KCNG2: variants seen among roughly 807,000 people sequenced by gnomAD.
The protein encoded by KCNG2 is voltage-gated potassium channel regulatory subunit KCNG2.
Under a neutral mutation model 12.3 loss-of-function variants are expected in KCNG2, and 7 were observed. That is an observed-to-expected ratio of 0.57 (90% CI 0.32 to 1.07). The LOEUF (loss-of-function observed/expected upper bound fraction) is 1.07. Ranked by LOEUF, KCNG2 falls within the 50% of genes least tolerant of loss-of-function variation. KCNG2 has a pLI of 0.04. For synonymous variants in KCNG2, 414 were observed against 351.4 expected, an observed-to-expected ratio of 1.18 and a Z score of -1.99; for missense variants, 703 against 726.0, an observed-to-expected ratio of 0.97 and a Z score of 0.36.
chr18:79,871,964 C>T (rs1028697466), intron 3 of KCNG2, among the ~76,000 whole-genome samples: 9 of 152,164 alleles, frequency 5.9e-5, no homozygotes, highest in African/African-American at 9.6e-5. Flanking sequence ...ACAATGCCAC[C>T]GGACCAAGCT....
Position 79,803,488 on chromosome 18 carries a change from AGAAACG to A in KCNG2, c.-115+5480_-115+5485del, listed in dbSNP as rs2087426500. On this transcript the variant is annotated intron_variant, in intron 1 of 3. Transcript: ENST00000316249. The surrounding 1 kb of genome is among the most constrained non-coding windows in gnomAD (Gnocchi z 4.5). ...TGGCTTCTTTAATACTTGCCAAATT[AGAAACG>A]GAAACATTCTAGGGTGAAGAAAACA... Among the ~76,000 whole-genome samples, 1 of 152,266 alleles carries A rather than the reference AGAAACG, an allele frequency of 6.6e-6. No individual in the cohort carries two copies. Among genetic ancestry groups the A allele is most frequent in the Non-Finnish European group, 1.5e-5 (1 of 68,052 alleles).
intron 2 of KCNG2, among the ~76,000 whole-genome samples, chr18:79,857,204 C>A (rs998791313): frequency 2.1e-5 from 3 of 144,610 alleles, no homozygotes; most frequent in East Asian, 2.1e-4. Flanking sequence ...ACTGAGTGAA[C>A]CTTGGGGCAC....
At chr18:79,851,258 A>G (rs1978806160) in intron 1 of KCNG2, among the ~76,000 whole-genome samples, 2 of 152,218 alleles carry the variant, frequency 1.3e-5, no homozygotes, top group African/African-American at 4.8e-5. Context: ...TTTTGCAAGA[A>G]TCAATATTAT....
intron 3 of KCNG2, among the ~76,000 whole-genome samples, chr18:79,891,227 CTTTA>C (rs1238247435): frequency 1.3e-5 from 2 of 151,640 alleles, no homozygotes; most frequent in South Asian, 2.1e-4. Context: ...CTTTTTCTTT[CTTTA>C]TTTTTTATTT....
intron 3 of KCNG2, among the ~76,000 whole-genome samples, chr18:79,891,228 T>C (rs543456190): frequency 6.6e-6 from 1 of 152,276 alleles, no homozygotes; most frequent in Admixed American, 6.5e-5. Context: ...TTTTTCTTTC[T>C]TTATTTTTTA....
intron 1 of KCNG2, among the ~76,000 whole-genome samples, chr18:79,853,740 G>C (rs776876937): frequency 3.3e-5 from 5 of 152,262 alleles, no homozygotes; most frequent in Non-Finnish European, 5.9e-5. Flanking sequence ...CGGAAGGCCT[G>C]AGTGGGACTA....
At chr18:79,832,287 C>G (rs371018830) in intron 1 of KCNG2, among the ~76,000 whole-genome samples, 10 of 150,912 alleles carry the variant, frequency 6.6e-5, no homozygotes, top group African/African-American at 2.4e-4. Flanking sequence ...CCTGCCCTCA[C>G]CTGCCCATCC....
chr18:79,832,273 TTCACCTGCCC>T (rs1454361143), intron 1 of KCNG2, among the ~76,000 whole-genome samples: 2 of 145,612 alleles, frequency 1.4e-5, no homozygotes, highest in Admixed American at 6.7e-5. Context: ...CCTGCCCTTC[TTCACCTGCCC>T]TCACCTGCCC....
intron 1 of KCNG2, among the ~76,000 whole-genome samples, chr18:79,832,751 C>T (rs1978303187): frequency 6.6e-6 from 1 of 152,360 alleles, no homozygotes; most frequent in African/African-American, 2.4e-5. Context: ...GCCTGTATGG[C>T]AAGACTCCTC....
intron 1 of KCNG2, among the ~76,000 whole-genome samples, chr18:79,848,746 G>A (rs1259569720): frequency 6.6e-6 from 1 of 152,154 alleles, no homozygotes; most frequent in Non-Finnish European, 1.5e-5. Context: ...TTTCGCTGAA[G>A]AAGCATCCTG....
chr18:79,875,690 G>A (rs936021853), intron 3 of KCNG2, among the ~76,000 whole-genome samples: 4 of 152,316 alleles, frequency 2.6e-5, no homozygotes, highest in Admixed American at 6.5e-5. Flanking sequence ...TCGGGGAGGT[G>A]CAAGTCTGGC....
intron 1 of KCNG2, among the ~76,000 whole-genome samples, chr18:79,840,609 A>C (rs1978429827): frequency 6.6e-6 from 1 of 152,228 alleles, no homozygotes; most frequent in African/African-American, 2.4e-5. Flanking sequence ...TTTATATAGA[A>C]AGTCAAGGGA....
chr18:79,848,172 A>T (rs1453173201), intron 1 of KCNG2, among the ~76,000 whole-genome samples: 4 of 152,174 alleles, frequency 2.6e-5, no homozygotes, highest in Admixed American at 6.5e-5. Context: ...CGCCAACCTC[A>T]TCTGTCCTCG....
chr18:79,802,444 G>A (rs1196012367), intron 1 of KCNG2, among the ~76,000 whole-genome samples: 1 of 152,144 alleles, frequency 6.6e-6, no homozygotes, highest in African/African-American at 2.4e-5. Flanking sequence ...CAGCCGTGCC[G>A]CTCCGGTCCG....
intron 3 of KCNG2, among the ~76,000 whole-genome samples, chr18:79,898,089 C>T (rs145520168): frequency 9.8e-5 from 15 of 152,328 alleles, no homozygotes; most frequent in Middle Eastern, 3.4e-3. Flanking sequence ...GGTCAGCACA[C>T]GCATGAATCC....
In KCNG2 at chr18:79,803,067, G is replaced by C. The variant is rs980314730; in HGVS notation, c.-115+5053G>C. Among the ~76,000 whole-genome samples the C allele has an allele frequency of 6.6e-6, 1 of 152,112 alleles. No individual in the cohort carries two copies. Among genetic ancestry groups the C allele is most frequent in the African/African-American group, 2.4e-5 (1 of 41,434 alleles). ...GTGGCAGGCACCTGTAATTCCAGCTGCTTGGGAGGCTGAGGCAGGAGAATC... is the reference window on the plus strand; with the variant it reads ...GTGGCAGGCACCTGTAATTCCAGCTCCTTGGGAGGCTGAGGCAGGAGAATC... On this transcript the variant is annotated intron_variant, in intron 1 of 3. Coordinates refer to ENST00000316249, the MANE Select transcript of KCNG2 (RefSeq NM_012283.2). The surrounding 1 kb of genome is among the most constrained non-coding windows in gnomAD (Gnocchi z 4.5).
At position 79,807,905 on chromosome 18, in the gene KCNG2, G is replaced by T. The variant is rs36184934; in HGVS notation, c.-115+9891G>T. On this transcript the variant is annotated intron_variant, in intron 1 of 3. Coordinates refer to ENST00000316249, the MANE Select transcript of KCNG2 (RefSeq NM_012283.2). ...CGCGCTCTGAGGAGCTGCCGGGGCCGCGCTGACCACACTCCACGTTATGGG... is the reference window on the plus strand; with the variant it reads ...CGCGCTCTGAGGAGCTGCCGGGGCCTCGCTGACCACACTCCACGTTATGGG... 3.0e-3 allele frequency among the ~76,000 whole-genome samples: 154 copies of T among 50,848 alleles called. 2 individuals are homozygous for T. Among genetic ancestry groups the T allele is most frequent in the African/African-American group, 8.9e-3 (90 of 10,150 alleles). The allele number at this position is 50,848 out of a possible 152,430, so 33.4% of individuals were successfully genotyped here.
intron 1 of KCNG2, among the ~76,000 whole-genome samples, chr18:79,835,482 T>TAA (rs1269356377): frequency 3.3e-5 from 5 of 152,092 alleles, no homozygotes; most frequent in Admixed American, 6.5e-5. Flanking sequence ...GAATAGAAGA[T>TAA]ATAAAATAAA....
Position 79,863,746 on chromosome 18 carries a change from C to G in KCNG2, c.79C>G (p.Arg27Gly). ...CGTCATCATCAACGTGGGCGGCTGCCGCGTGCGCCTGGCATGGGCCGCGCT... is the reference window on the plus strand; with the variant it reads ...CGTCATCATCAACGTGGGCGGCTGCGGCGTGCGCCTGGCATGGGCCGCGCT... ...RHVIINVGGCRVRLAWAALAR... is the reference protein window; with the variant it reads ...RHVIINVGGCGVRLAWAALAR... Residue 27 changes from arginine (R) to glycine (G), a missense_variant, in exon 3 of 4, where the codon CGC becomes GGC. By Grantham distance (125) the Arg-to-Gly change is moderately radical. Transcript: ENST00000316249. The G allele has an allele frequency of 8.3e-7, 1 of 1,205,134 alleles. No homozygotes were observed. Among genetic ancestry groups the G allele is most frequent in the Non-Finnish European group, 1.0e-6 (1 of 970,212 alleles). The allele number at this position is 1,205,134 out of a possible 1,614,324, so 74.7% of individuals were successfully genotyped here.
Sources: allele counts gnomAD v4.1 joint callset (sites outside exome capture counted in the v4.1 genomes callset), GRCh38; gene constraint gnomAD v4.1.1; non-coding constraint Gnocchi (gnomAD v3.1); transcripts MANE v1.5; gene names NCBI Gene and HGNC (gene_info 2026-07-23, HGNC 2026-07-21).